Variants in COA1 observed in about 807,000 individuals in gnomAD.
COA1 encodes the protein cytochrome c oxidase assembly factor 1.
A neutral mutation model predicts 16.0 loss-of-function variants in COA1; 13 were observed. The ratio of observed to expected loss-of-function variants is 0.81; its 90% confidence interval spans 0.53 to 1.29. COA1 has a LOEUF of 1.29. COA1 is among the 50% of genes most tolerant of loss of function. The pLI is 0.00. For synonymous variants in COA1, 65 were observed against 65.7 expected (o/e 0.99, Z 0.05); for missense variants, 179 against 177.0 (o/e 1.01, Z -0.06).
rs115780591 is a variant in COA1, at chr7:43,643,765, G to A, written c.264+1486C>T. 1.8e-3 allele frequency among the ~76,000 whole-genome samples: 267 copies of A among 150,486 alleles called. 1 individual carries two copies. The highest frequency in any genetic ancestry group is 5.7e-3 in the African/African-American group (232 of 40,834). On this transcript the variant is annotated intron_variant, in intron 4 of 5. Coordinates refer to ENST00000223336, the MANE Select transcript of COA1 (RefSeq NM_018224.4). ...ATCTCTCTCCTAAAGATGGCTCCCC[G>A]TAGCCAGTCCCTGGGCATTACCAAT...
intron 1 of COA1, among the ~76,000 whole-genome samples, chr7:43,707,158 C>T (rs1563437638): frequency 6.6e-6 from 1 of 152,186 alleles, no homozygotes; most frequent in South Asian, 2.1e-4. Context: ...CCACTGCACT[C>T]CAGCCTGAGT....
chr7:43,691,277 G>GAA (rs1271233453), intron 1 of COA1, among the ~76,000 whole-genome samples: 3 of 29,400 alleles, frequency 1.0e-4, no homozygotes, highest in Admixed American at 4.2e-4. Context: ...AAGAAAGAAA[G>GAA]AAAGAAAGAA....
At chr7:43,703,638 G>C (rs1585218289) in intron 1 of COA1, among the ~76,000 whole-genome samples, 1 of 152,002 alleles carries the variant, frequency 6.6e-6, no homozygotes, top group African/African-American at 2.4e-5. Flanking sequence ...AGTCGGTTTT[G>C]TCTGAAATAA....
intron 6 of COA1, among the ~76,000 whole-genome samples, chr7:43,620,264 ACTTT>A (rs1178938108): frequency 6.6e-6 from 1 of 152,196 alleles, no homozygotes; most frequent in Admixed American, 6.5e-5. Flanking sequence ...GTCAACTATT[ACTTT>A]CTTTGATAGA....
chr7:43,631,704 A>G (rs1464813151), intron 6 of COA1: 3 of 152,160 alleles, frequency 2.0e-5, no homozygotes, highest in Non-Finnish European at 4.4e-5. Flanking sequence ...CTGTCCTATC[A>G]TGGACTTCTT....
intron 1 of COA1, chr7:43,649,969 G>C (rs1238308970): frequency 6.6e-6 from 1 of 152,356 alleles, no homozygotes; most frequent in East Asian, 1.9e-4. Context: ...CTTGAGAAGA[G>C]AAAGGTGAAA....
intron 1 of COA1, chr7:43,649,585 A>G (rs2090337621): frequency 6.6e-6 from 1 of 152,250 alleles, no homozygotes; most frequent in South Asian, 2.1e-4. Flanking sequence ...ATATAAAAAC[A>G]GTATCAAGAT....
chr7:43,655,372 C>T (rs143718512), intron 1 of COA1, among the ~76,000 whole-genome samples: 179 of 152,228 alleles, frequency 1.2e-3, no homozygotes, highest in African/African-American at 4.1e-3. Flanking sequence ...CAGATATTGC[C>T]GGGCATGTTG....
chr7:43,630,168 A>G (rs889081518), intron 6 of COA1, among the ~76,000 whole-genome samples: 2 of 152,136 alleles, frequency 1.3e-5, no homozygotes, highest in African/African-American at 4.8e-5. Context: ...TTTACAGAAA[A>G]AGTTTGCCAA....
chr7:43,611,954 T>C (rs1296603759), intron 6 of COA1, among the ~76,000 whole-genome samples: 2 of 152,232 alleles, frequency 1.3e-5, no homozygotes, highest in African/African-American at 4.8e-5. Context: ...CCATGTGTCA[T>C]GGATCTTTGA....
intron 1 of COA1, among the ~76,000 whole-genome samples, chr7:43,656,619 C>T (rs1439457303): frequency 6.6e-6 from 1 of 152,138 alleles, no homozygotes; most frequent in Non-Finnish European, 1.5e-5. Context: ...CACTTGAACC[C>T]AAGAGGCAGA....
intron 6 of COA1, among the ~76,000 whole-genome samples, chr7:43,619,354 T>C (rs1480323211): frequency 2.0e-5 from 3 of 152,132 alleles, no homozygotes; most frequent in East Asian, 3.9e-4. Flanking sequence ...AAGGTAGGGA[T>C]AGAAACATAT....
intron 1 of COA1, among the ~76,000 whole-genome samples, chr7:43,691,467 A>G (rs1472011902): frequency 6.9e-6 from 1 of 145,272 alleles, no homozygotes; most frequent in East Asian, 2.0e-4. Context: ...GAAAGAAAGA[A>G]AGAAAGAAAG....
chr7:43,661,728 G>GT (rs761941140), intron 1 of COA1, among the ~76,000 whole-genome samples: 20 of 152,100 alleles, frequency 1.3e-4, no homozygotes, highest in East Asian at 1.2e-3. Flanking sequence ...CACTCTTGGA[G>GT]TGTGGTCCTT....
At chr7:43,675,679 T>G (rs1000539764) in intron 1 of COA1, among the ~76,000 whole-genome samples, 1 of 152,098 alleles carries the variant, frequency 6.6e-6, no homozygotes, top group African/African-American at 2.4e-5. Flanking sequence ...AAACTTTAAT[T>G]TTTACATGTA....
intron 5 of COA1, 77 bp from the exon 6 acceptor site, chr7:43,639,758 G>T: frequency 8.9e-7 from 1 of 1,119,556 alleles, no homozygotes; most frequent in Non-Finnish European, 1.3e-6. Flanking sequence ...AAGGGGCGCG[G>T]AAAGCAGTTG....
Position 43,648,658 on chromosome 7 carries a change from A to G in COA1, c.-38-6T>C, listed in dbSNP as rs2090096147. On this transcript the variant is annotated splice_region_variant and splice_polypyrimidine_tract_variant and intron_variant, in intron 1 of 5. Coordinates refer to ENST00000223336, the MANE Select transcript of COA1 (RefSeq NM_018224.4). ...ATCATCAAAGGCAAGTTGTCCTGCA[A>G]TTAGAAAAGATTTTACATTAAAATC... The G allele has an allele frequency of 2.5e-6, 4 of 1,602,150 alleles. No homozygotes were observed. Among genetic ancestry groups the G allele is most frequent in the Non-Finnish European group, 2.6e-6 (3 of 1,170,928 alleles).
At chr7:43,689,548 A>C (rs1210358636) in intron 1 of COA1, among the ~76,000 whole-genome samples, 1 of 152,208 alleles carries the variant, frequency 6.6e-6, no homozygotes, top group African/African-American at 2.4e-5. Context: ...ATGAAGGCAA[A>C]ATAAATACTT....
chr7:43,699,946 T>C (rs954636779), intron 1 of COA1, among the ~76,000 whole-genome samples: 8 of 152,112 alleles, frequency 5.3e-5, no homozygotes, highest in Non-Finnish European at 8.8e-5. Flanking sequence ...CTATTAAGTA[T>C]ACATATATCT....
Sources: gnomAD v4.1 joint callset for allele counts (sites outside exome capture counted in the v4.1 genomes callset) on GRCh38, gnomAD v4.1.1 for gene constraint, MANE v1.5 for transcripts, NCBI Gene and HGNC (gene_info 2026-07-23, HGNC 2026-07-21) for gene names.